FSTL4: variants seen among roughly 807,000 people sequenced by gnomAD.
FSTL4 encodes follistatin like 4, also known as follistatin-related protein 4.
A neutral mutation model predicts 78.2 loss-of-function variants in FSTL4; 28 were observed. That is an observed-to-expected ratio of 0.36 (90% confidence interval 0.27 to 0.49). FSTL4 has a LOEUF of 0.49. Among genes scored for constraint, FSTL4 ranks in the 20% least tolerant of loss-of-function variants. FSTL4 has a pLI of 0.98. For missense variants in FSTL4, 922 were observed against 1,084.9 expected, an observed-to-expected ratio of 0.85 and a Z score of 2.11; for synonymous variants, 422 against 440.5, an observed-to-expected ratio of 0.96 and a Z score of 0.53.
the FSTL4 span, among the ~76,000 whole-genome samples, chr5:133,684,842 G>A: frequency 6.6e-6 from 1 of 152,246 alleles, no homozygotes; most frequent in East Asian, 1.9e-4. Flanking sequence ...GGATGACCTG[G>A]GGCAGCTGTA....
intron 6 of FSTL4, among the ~76,000 whole-genome samples, chr5:133,302,133 T>A (rs905688122): frequency 6.6e-6 from 1 of 152,076 alleles, no homozygotes; most frequent in Non-Finnish European, 1.5e-5. Context: ...TCAGCCTTCA[T>A]ATGTAAAGGC....
intron 6 of FSTL4, among the ~76,000 whole-genome samples, chr5:133,253,648 C>T (rs192506040): frequency 2.7e-4 from 41 of 152,316 alleles, no homozygotes; most frequent in African/African-American, 9.6e-4. Flanking sequence ...TTGAGGACTC[C>T]CCTGCCCCAT....
the FSTL4 span, among the ~76,000 whole-genome samples, chr5:133,629,366 A>T: frequency 6.6e-6 from 1 of 152,186 alleles, no homozygotes; most frequent in Non-Finnish European, 1.5e-5. Flanking sequence ...TACTATAAAC[A>T]CCTCTATGTA....
intron 2 of FSTL4, chr5:133,583,122 T>C: frequency 2.6e-6 from 1 of 377,442 alleles, no homozygotes; most frequent in South Asian, 1.9e-5. Flanking sequence ...GCAGCAGCCC[T>C]GCTGCTGTCT....
the FSTL4 span, among the ~76,000 whole-genome samples, chr5:133,749,816 A>G: frequency 1.8e-3 from 268 of 152,338 alleles, 1 homozygote; most frequent in Middle Eastern, 0.01. Flanking sequence ...AAAGCATCGC[A>G]TCATCACTGA....
At chr5:133,358,551 C>A (rs1051956542) in intron 4 of FSTL4, among the ~76,000 whole-genome samples, 1 of 150,338 alleles carries the variant, frequency 6.7e-6, no homozygotes, top group Non-Finnish European at 1.5e-5. Context: ...ACCTTGTGTT[C>A]GCTTGCACGA....
chr5:133,321,243 C>T (rs184413154), intron 4 of FSTL4, among the ~76,000 whole-genome samples: 63 of 152,248 alleles, frequency 4.1e-4, no homozygotes, highest in Non-Finnish European at 8.7e-4. Flanking sequence ...GGCTGGAGTG[C>T]TATTCACCCA....
rs985847929 is a variant in FSTL4, at chr5:133,611,953, C to T, written c.-11+372G>A. Among the ~76,000 whole-genome samples, 1 of 152,010 alleles carries T rather than the reference C, an allele frequency of 6.6e-6. No homozygotes were observed. Among genetic ancestry groups the T allele is most frequent in the Non-Finnish European group, 1.5e-5 (1 of 67,976 alleles). ...GTCCTGAACCCAAGAACGGCGCCTG[C>T]AGGATTTCGGAGCCGGGCGCGAGCT... On this transcript the variant is annotated intron_variant, in intron 1 of 15. Transcript: ENST00000265342. This position sits in a 1 kb window ranked among gnomAD's most constrained non-coding sequence, Gnocchi z 4.9.
At chr5:133,714,815 A>G in the FSTL4 span, among the ~76,000 whole-genome samples, 1 of 152,246 alleles carries the variant, frequency 6.6e-6, no homozygotes, top group Non-Finnish European at 1.5e-5. Flanking sequence ...CACAGTGGGC[A>G]ACAATGGATA....
the FSTL4 span, among the ~76,000 whole-genome samples, chr5:133,699,872 C>T: frequency 8.0e-6 from 1 of 125,070 alleles, no homozygotes; most frequent in Admixed American, 8.3e-5. Flanking sequence ...AAGAGTGAGA[C>T]TCCATCTCAA....
chr5:133,492,206 T>C (rs186443130), intron 3 of FSTL4, among the ~76,000 whole-genome samples: 1 of 150,950 alleles, frequency 6.6e-6, no homozygotes, highest in Non-Finnish European at 1.5e-5. Context: ...GTACTGACCA[T>C]CATCACCATC....
intron 4 of FSTL4, among the ~76,000 whole-genome samples, chr5:133,336,389 C>T (rs1030429376): frequency 2.0e-5 from 3 of 152,248 alleles, no homozygotes; most frequent in African/African-American, 7.2e-5. Flanking sequence ...AAGCCCATGC[C>T]CCAGGACATG....
chr5:133,462,141 A>G (rs1409607233), intron 3 of FSTL4, among the ~76,000 whole-genome samples: 1 of 152,200 alleles, frequency 6.6e-6, no homozygotes. Flanking sequence ...AGATCTCAAG[A>G]CCACGTCCTC....
Position 133,225,632 on chromosome 5 carries a change from A to G in FSTL4, c.1177+26T>C. 2 of 1,530,222 alleles carry G rather than the reference A, an allele frequency of 1.3e-6. No individual in the cohort carries two copies. Among genetic ancestry groups the G allele is most frequent in the Non-Finnish European group, 1.8e-6 (2 of 1,135,330 alleles). The allele number at this position is 1,530,222 out of a possible 1,614,324, so 94.8% of individuals were successfully genotyped here. A position where few individuals can be genotyped will look rare whatever the true frequency, so the allele number is the denominator to read the frequency against. On this transcript the variant is annotated intron_variant, in intron 9 of 15. Coordinates refer to ENST00000265342, the MANE Select transcript of FSTL4 (RefSeq NM_015082.2). This position sits in a 1 kb window ranked among gnomAD's most constrained non-coding sequence, Gnocchi z 4.6. Reference sequence around the variant, plus strand: ...CTTGATTTGAATGGGAATATCGCATAGACGTCTACCAAGGGCAGTTCTTAC... The same window carrying G: ...CTTGATTTGAATGGGAATATCGCATGGACGTCTACCAAGGGCAGTTCTTAC...
intron 4 of FSTL4, among the ~76,000 whole-genome samples, chr5:133,367,379 G>C (rs1027975172): frequency 6.6e-6 from 1 of 152,216 alleles, no homozygotes; most frequent in African/African-American, 2.4e-5. Context: ...TTTCAGTCCA[G>C]AATGTCTCTC....
rs549202185 is a variant in FSTL4 at position 133,426,730 on chromosome 5, G to A, written c.161-25744C>T. Reference sequence around the variant, plus strand: ...AGCCTCAGTCCTGTTATTTCCCAGGGAGACAGTCAGCCAGTTCTGCTTTAA... The same window carrying A: ...AGCCTCAGTCCTGTTATTTCCCAGGAAGACAGTCAGCCAGTTCTGCTTTAA... On this transcript the variant is annotated intron_variant, in intron 3 of 15. Coordinates refer to ENST00000265342, the MANE Select transcript of FSTL4 (RefSeq NM_015082.2). This position sits in a 1 kb window ranked among gnomAD's most constrained non-coding sequence, Gnocchi z 5.0. Among the ~76,000 whole-genome samples the A allele has an allele frequency of 6.6e-6, 1 of 152,278 alleles. No homozygotes were observed. Among genetic ancestry groups the A allele is most frequent in the African/African-American group, 2.4e-5 (1 of 41,546 alleles).
chr5:133,225,696 T>C lies in FSTL4; in HGVS notation c.1139A>G (p.Asp380Gly), dbSNP rs144289149. 6.2e-7 allele frequency: 1 copy of C among 1,611,184 alleles called. No individual in the cohort carries two copies. The highest frequency in any genetic ancestry group is 2.2e-5 in the East Asian group (1 of 44,862). ...PRITWLKNGV[D>G]VSTQMSKQLS... Reference sequence around the variant, plus strand: ...CTGTTTGGACATCTGAGTTGAGACATCCACGCCGTTTTTCAGCCAAGTGAT... The same window carrying C: ...CTGTTTGGACATCTGAGTTGAGACACCCACGCCGTTTTTCAGCCAAGTGAT... The change falls in exon 9 of 16, where the codon GAT becomes GGT. Residue 380 changes from aspartate (D) to glycine (G), a missense_variant. Coordinates refer to ENST00000265342, the MANE Select transcript of FSTL4 (RefSeq NM_015082.2). This position sits in a 1 kb window ranked among gnomAD's most constrained non-coding sequence, Gnocchi z 4.6.
upstream of FSTL4, among the ~76,000 whole-genome samples, chr5:133,613,193 C>T (rs1761140801): frequency 2.0e-5 from 3 of 152,250 alleles, no homozygotes; most frequent in Admixed American, 2.0e-4. Flanking sequence ...CTGAATCCCT[C>T]TTTAACATCA....
At chr5:133,263,921 G>C (rs1368629257) in intron 6 of FSTL4, among the ~76,000 whole-genome samples, 1 of 152,210 alleles carries the variant, frequency 6.6e-6, no homozygotes, top group South Asian at 2.1e-4. Context: ...GTGACAGAAG[G>C]TGGGCAGAGC....
Sources: allele counts gnomAD v4.1 joint callset (sites outside exome capture counted in the v4.1 genomes callset), GRCh38; gene constraint gnomAD v4.1.1; non-coding constraint Gnocchi (gnomAD v3.1); transcripts MANE v1.5; gene names NCBI Gene and HGNC (gene_info 2026-07-23, HGNC 2026-07-21).